Variants in PCDHGB6 observed in about 807,000 individuals in gnomAD.
PCDHGB6 encodes the protein protocadherin gamma-B6.
In PCDHGB6, 51 loss-of-function variants were observed where a neutral mutation model predicts 59.1. That is an observed-to-expected ratio of 0.86 (90% confidence interval 0.69 to 1.09). PCDHGB6 has a LOEUF of 1.09. PCDHGB6 is among the 50% of genes least tolerant of loss of function. PCDHGB6 has a pLI of 0.00. For synonymous variants in PCDHGB6, 466 were observed against 495.1 expected (o/e 0.94, Z 0.78); for missense variants, 1,148 against 1,205.1 (o/e 0.95, Z 0.70).
At chr5:141,480,910 T>C (rs985100480) in intron 1 of PCDHGB6, among the ~76,000 whole-genome samples, 5 of 152,106 alleles carry the variant, frequency 3.3e-5, no homozygotes, top group Non-Finnish European at 7.4e-5. Flanking sequence ...CTGGGCATGG[T>C]GGCGCATACC....
rs2099410057 is a variant in PCDHGB6, at chr5:141,477,370, G to C, written c.2419-17437G>C. The C allele has an allele frequency of 6.2e-7, 1 of 1,614,054 alleles. No homozygotes were observed. On this transcript the variant is annotated intron_variant, in intron 1 of 3. Coordinates refer to ENST00000520790, the MANE Select transcript of PCDHGB6 (RefSeq NM_018926.3). This position sits in a 1 kb window ranked among gnomAD's most constrained non-coding sequence, Gnocchi z 4.9. The stretch of plus-strand genomic sequence containing the variant: ...AAACCAGTGCAGACCTGGATCGGGA[G>C]ACTGTGCCAGAATACAACCTCAGCA...
rs1160156030 is a variant in PCDHGB6 at position 141,477,238 on chromosome 5, C to T, written c.2419-17569C>T. 20 of 1,614,094 alleles carry T rather than the reference C, an allele frequency of 1.2e-5. No individual in the cohort carries two copies. The highest frequency in any genetic ancestry group is 5.0e-5 in the Admixed American group (3 of 60,006). The stretch of plus-strand genomic sequence containing the variant: ...CTCTGGGGACTGTCATCGCTTTGCT[C>T]AGTGTGACTGACCTGGATGCTGGCG... On this transcript the variant is annotated intron_variant, in intron 1 of 3. Transcript: ENST00000520790. This position sits in a 1 kb window ranked among gnomAD's most constrained non-coding sequence, Gnocchi z 4.9.
In PCDHGB6 at chr5:141,494,634, T is replaced by C. The variant is rs917243803; in HGVS notation, c.2419-173T>C. The C allele has an allele frequency of 1.1e-5, 10 of 889,216 alleles. No individual in the cohort carries two copies. In the African/African-American group the frequency reaches 1.8e-4, roughly 16 times the overall value. 55.1% of individuals were successfully genotyped at this position (889,216 alleles called of 1,614,324 possible). A position where few individuals can be genotyped will look rare whatever the true frequency, so the allele number is the denominator to read the frequency against. On this transcript the variant is annotated intron_variant, in intron 1 of 3. Coordinates refer to ENST00000520790, the MANE Select transcript of PCDHGB6 (RefSeq NM_018926.3). ...CTTGGTTTCTGGTACCTCAGACCTC[T>C]GAGACCTGAGGTGTATTTTGTCTTT...
At chr5:141,421,522 A>G in intron 1 of PCDHGB6, 1 of 1,614,068 alleles carries the variant, frequency 6.2e-7, no homozygotes, top group Non-Finnish European at 8.5e-7. Context: ...GCTCTGTGAG[A>G]CGGTGTCCTC....
chr5:141,504,583 A>C (rs1230825472), intron 2 of PCDHGB6, among the ~76,000 whole-genome samples: 5 of 146,622 alleles, frequency 3.4e-5, no homozygotes, highest in Non-Finnish European at 7.4e-5. Context: ...CCATCTGCCC[A>C]GGATTCACAG....
At chr5:141,412,441 G>A (rs1334085357) in intron 1 of PCDHGB6, 2 of 152,124 alleles carry the variant, frequency 1.3e-5, no homozygotes, top group Non-Finnish European at 2.9e-5. Context: ...GTTAATTAAG[G>A]CTCAGTAAAA....
chr5:141,421,389 G>T (rs200646513), intron 1 of PCDHGB6: 1 of 1,613,934 alleles, frequency 6.2e-7, no homozygotes, highest in African/African-American at 1.3e-5. Context: ...AGGACCTGGG[G>T]CTGGAGCCCC....
intron 1 of PCDHGB6, chr5:141,478,831 G>C: frequency 7.0e-7 from 1 of 1,435,672 alleles, no homozygotes; most frequent in Non-Finnish European, 9.1e-7. Flanking sequence ...ATCTTGCTAA[G>C]GGATGGTTAA....
intron 1 of PCDHGB6, chr5:141,418,113 T>C (rs1320881856): frequency 3.1e-6 from 5 of 1,613,912 alleles, no homozygotes; most frequent in Non-Finnish European, 3.4e-6. Context: ...GGGGACTTAC[T>C]TGTGAAGGAC....
intron 1 of PCDHGB6, chr5:141,430,634 C>G: frequency 1.1e-6 from 1 of 882,730 alleles, no homozygotes; most frequent in Non-Finnish European, 1.7e-6. Flanking sequence ...TGAACCATCC[C>G]TGGGAGTATG....
Position 141,486,677 on chromosome 5 carries a change from G to A in PCDHGB6, c.2419-8130G>A, listed in dbSNP as rs755512470. ...ACTCCTGGAGCCCAGGAATCGAGATGTATCAGCTTCCTCTTTCATCTCTCT... is the reference window on the plus strand; with the variant it reads ...ACTCCTGGAGCCCAGGAATCGAGATATATCAGCTTCCTCTTTCATCTCTCT... On this transcript the variant is annotated intron_variant, in intron 1 of 3. Transcript: ENST00000520790. This position sits in a 1 kb window ranked among gnomAD's most constrained non-coding sequence, Gnocchi z 5.0. The A allele has an allele frequency of 3.7e-6, 6 of 1,614,060 alleles. No individual in the cohort carries two copies. Among genetic ancestry groups the A allele is most frequent in the Middle Eastern group, 1.6e-4 (1 of 6,062 alleles).
chr5:141,416,504 C>CA (rs1467352050), intron 1 of PCDHGB6: 4 of 152,040 alleles, frequency 2.6e-5, no homozygotes, highest in African/African-American at 9.7e-5. Context: ...AGATATATGA[C>CA]AAAGCTATTT....
Position 141,428,007 on chromosome 5 carries a change from A to T in PCDHGB6, c.2418+17387A>T, listed in dbSNP as rs770851074. 9.4e-6 allele frequency: 15 copies of T among 1,602,018 alleles called. No individual in the cohort carries two copies. In the African/African-American group the frequency reaches 1.5e-4, roughly 16 times the overall value. ...GCCCGATGGCTCCGCACTCTTCGAT[A>T]TAGTGCCACGCGCCGCAGAGTCCGG... On this transcript the variant is annotated intron_variant, in intron 1 of 3. Coordinates refer to ENST00000520790, the MANE Select transcript of PCDHGB6 (RefSeq NM_018926.3).
chr5:141,445,416 T>C lies in PCDHGB6; in HGVS notation c.2418+34796T>C, dbSNP rs190826518. ...TAACAAATATTTATTAACTGTCTGC[T>C]ATATGCAAGGCACTGACCTATGGAC... On this transcript the variant is annotated intron_variant, in intron 1 of 3. Coordinates refer to ENST00000520790, the MANE Select transcript of PCDHGB6 (RefSeq NM_018926.3). 2.2e-3 allele frequency among the ~76,000 whole-genome samples: 336 copies of C among 152,342 alleles called. 1 individual carries two copies. The highest frequency in any genetic ancestry group is 0.01 in the Middle Eastern group (3 of 294).
chr5:141,428,508 T>G, intron 1 of PCDHGB6: 1 of 279,550 alleles, frequency 3.6e-6, no homozygotes, highest in South Asian at 4.0e-5. Flanking sequence ...CCTCGGATTC[T>G]AGAAAAAGAA....
intron 3 of PCDHGB6, 88 bp from the exon 4 acceptor site, chr5:141,510,859 A>G: frequency 6.2e-7 from 1 of 1,606,096 alleles, no homozygotes; most frequent in Non-Finnish European, 8.5e-7. Context: ...GGTGCTGTAT[A>G]GGCATTCATT....
chr5:141,430,309 A>G (rs984998714), intron 1 of PCDHGB6, among the ~76,000 whole-genome samples: 2 of 152,116 alleles, frequency 1.3e-5, no homozygotes, highest in Non-Finnish European at 2.9e-5. Context: ...CACTAACATT[A>G]TAAGATTAAA....
chr5:141,418,007 C>G (rs1561770675), intron 1 of PCDHGB6: 1 of 1,613,904 alleles, frequency 6.2e-7, no homozygotes, highest in Non-Finnish European at 8.5e-7. Flanking sequence ...GGTGGGGAAC[C>G]TCGCTAAGGA....
At chr5:141,415,738 AGGTTTT>A in intron 1 of PCDHGB6, 1 of 538,082 alleles carries the variant, frequency 1.9e-6, no homozygotes, top group South Asian at 3.9e-5. Flanking sequence ...ATGTTTATTA[AGGTTTT>A]TTTTTTTTTT....
Sources: gnomAD v4.1 joint callset for allele counts (sites outside exome capture counted in the v4.1 genomes callset) on GRCh38, gnomAD v4.1.1 for gene constraint, Gnocchi (gnomAD v3.1) non-coding constraint, MANE v1.5 for transcripts, NCBI Gene and HGNC (gene_info 2026-07-23, HGNC 2026-07-21) for gene names.